The following PLCB1 variants were observed in gnomAD, a reference collection of about 807,000 sequenced individuals.
PLCB1 encodes 1-phosphatidylinositol 4,5-bisphosphate phosphodiesterase beta-1.
Under a neutral mutation model 161.8 loss-of-function variants are expected in PLCB1, and 46 were observed. The observed-to-expected ratio is 0.28, with a 90% CI of 0.22 to 0.36. The LOEUF is 0.36. PLCB1 is among the 10% of genes least tolerant of loss of function. The pLI is 1.00. For synonymous variants in PLCB1, 517 were observed against 503.7 expected (o/e 1.03, Z -0.35); for missense variants, 1,016 against 1,472.5 (o/e 0.69, Z 5.07).
chr20:8,829,928 GA>G (rs1985901417), intron 31 of PLCB1, among the ~76,000 whole-genome samples: 1 of 152,198 alleles, frequency 6.6e-6, no homozygotes, highest in Non-Finnish European at 1.5e-5. Flanking sequence ...GATTCTGTCA[GA>G]AAATATTACG....
intron 3 of PLCB1, among the ~76,000 whole-genome samples, chr20:8,386,263 C>G (rs1406459281): frequency 6.6e-6 from 1 of 152,142 alleles, no homozygotes; most frequent in Non-Finnish European, 1.5e-5. Context: ...CAGTGTAGCC[C>G]TACCTAAAGT....
At chr20:8,451,942 T>G (rs1405126080) in intron 3 of PLCB1, among the ~76,000 whole-genome samples, 1 of 152,136 alleles carries the variant, frequency 6.6e-6, no homozygotes, top group African/African-American at 2.4e-5. Context: ...ACCTGTAGTA[T>G]AGATCTTTGA....
rs374242427 is a variant in PLCB1 at position 8,557,645 on chromosome 20, A to C, written c.247-70649A>C. ...GTTGGTGATGATTGCACAACACAAC[A>C]TTTTGAATTTAGTTAATGTCACTCA... On this transcript the variant is annotated intron_variant, in intron 3 of 31. Coordinates refer to ENST00000338037, the MANE Select transcript of PLCB1 (RefSeq NM_015192.4). Among the ~76,000 whole-genome samples the C allele has an allele frequency of 5.9e-5, 9 of 151,896 alleles. No individual in the cohort carries two copies. In the East Asian group the frequency reaches 1.4e-3, roughly 23 times the overall value.
intron 31 of PLCB1, among the ~76,000 whole-genome samples, chr20:8,881,235 G>A (rs1031658269): frequency 6.6e-5 from 10 of 151,630 alleles, no homozygotes; most frequent in African/African-American, 1.2e-4. Flanking sequence ...TCAAGCAATC[G>A]CAATCAACCT....
At chr20:8,224,716 CTGA>C (rs1979588146) in intron 2 of PLCB1, among the ~76,000 whole-genome samples, 1 of 152,070 alleles carries the variant, frequency 6.6e-6, no homozygotes, top group Non-Finnish European at 1.5e-5. Context: ...TAACCATTGC[CTGA>C]TCAAGAAATA....
At chr20:8,214,342 C>T (rs1979000706) in intron 2 of PLCB1, among the ~76,000 whole-genome samples, 1 of 152,066 alleles carries the variant, frequency 6.6e-6, no homozygotes, top group African/African-American at 2.4e-5. Context: ...GTCCTCACGA[C>T]AGTGATTGAC....
chr20:8,588,157 A>G (rs1231233435), intron 3 of PLCB1, among the ~76,000 whole-genome samples: 1 of 152,212 alleles, frequency 6.6e-6, no homozygotes, highest in East Asian at 1.9e-4. Flanking sequence ...ACTGGGAATT[A>G]TAGAGAAGTT....
intron 27 of PLCB1, among the ~76,000 whole-genome samples, chr20:8,784,748 G>T (rs1983403951): frequency 6.6e-6 from 1 of 152,134 alleles, no homozygotes; most frequent in South Asian, 2.1e-4. Flanking sequence ...GCATGCAAAA[G>T]CCTCAGTTTA....
chr20:8,680,995 AATAC>A (rs1180825515), intron 9 of PLCB1, among the ~76,000 whole-genome samples: 6 of 149,538 alleles, frequency 4.0e-5, no homozygotes, highest in Non-Finnish European at 7.4e-5. Flanking sequence ...AAAATATACA[AATAC>A]ATACATACAA....
intron 31 of PLCB1, among the ~76,000 whole-genome samples, chr20:8,798,127 G>C (rs1370579208): frequency 6.6e-6 from 1 of 152,034 alleles, no homozygotes; most frequent in South Asian, 2.1e-4. Flanking sequence ...GACCTGGGAG[G>C]TGGAGGCTGC....
At chr20:8,203,324 C>G (rs1978346798) in intron 2 of PLCB1, among the ~76,000 whole-genome samples, 1 of 151,928 alleles carries the variant, frequency 6.6e-6, no homozygotes. Context: ...ATGGAAGGGT[C>G]TAGCTTGTGT....
At chr20:8,542,473 T>G (rs561850800) in intron 3 of PLCB1, among the ~76,000 whole-genome samples, 1 of 152,318 alleles carries the variant, frequency 6.6e-6, no homozygotes, top group African/African-American at 2.4e-5. Flanking sequence ...TTTAAGGTGC[T>G]TCTTGGCTGT....
intron 3 of PLCB1, among the ~76,000 whole-genome samples, chr20:8,496,356 A>T (rs1183516620): frequency 6.6e-6 from 1 of 151,726 alleles, no homozygotes; most frequent in African/African-American, 2.4e-5. Context: ...AAAATACAAA[A>T]ATTAGCCAGG....
intron 4 of PLCB1, among the ~76,000 whole-genome samples, chr20:8,629,962 T>C (rs867588848): frequency 2.8e-4 from 29 of 102,692 alleles, no homozygotes; most frequent in African/African-American, 1.4e-3. Context: ...TTTCTTTCTT[T>C]CTTCTTTCTT....
At chr20:8,320,006 A>AT (rs1984836077) in intron 2 of PLCB1, among the ~76,000 whole-genome samples, 1 of 152,060 alleles carries the variant, frequency 6.6e-6, no homozygotes, top group Non-Finnish European at 1.5e-5. Flanking sequence ...TAATAATAAA[A>AT]TTTTTTAAAA....
At chr20:8,256,050 A>C (rs1320223435) in intron 2 of PLCB1, among the ~76,000 whole-genome samples, 1 of 152,122 alleles carries the variant, frequency 6.6e-6, no homozygotes, top group East Asian at 1.9e-4. Flanking sequence ...CTGGGTGTGT[A>C]GTAGGCTACA....
chr20:8,524,502 G>C (rs12625192), intron 3 of PLCB1, among the ~76,000 whole-genome samples: 3 of 152,086 alleles, frequency 2.0e-5, no homozygotes, highest in Admixed American at 6.5e-5. Context: ...CCTTGTAAAC[G>C]TGTCTTTGTC....
At chr20:8,860,533 A>G (rs1267320190) in intron 31 of PLCB1, among the ~76,000 whole-genome samples, 1 of 152,188 alleles carries the variant, frequency 6.6e-6, no homozygotes, top group African/African-American at 2.4e-5. Flanking sequence ...ACAGTTTTAT[A>G]CTGTTCAAGA....
intron 3 of PLCB1, among the ~76,000 whole-genome samples, chr20:8,496,913 A>G (rs1983202127): frequency 6.6e-6 from 1 of 152,210 alleles, no homozygotes; most frequent in African/African-American, 2.4e-5. Flanking sequence ...TAATATCCTC[A>G]CTTTACAGGT....
Sources: gnomAD v4.1 joint callset for allele counts (sites outside exome capture counted in the v4.1 genomes callset) on GRCh38, gnomAD v4.1.1 for gene constraint, MANE v1.5 for transcripts, NCBI Gene and HGNC (gene_info 2026-07-23, HGNC 2026-07-21) for gene names.